Variants in SLC2A13 observed in about 807,000 individuals in gnomAD.
SLC2A13 encodes the protein proton myo-inositol cotransporter.
In SLC2A13, 32 loss-of-function variants were observed where a neutral mutation model predicts 64.4. The observed-to-expected ratio is 0.50, with a 90% CI of 0.37 to 0.67. The LOEUF is 0.67. Ranked by LOEUF, SLC2A13 falls within the 30% of genes least tolerant of loss-of-function variation. The pLI is 0.00. For synonymous variants in SLC2A13, 338 were observed against 327.1 expected, an observed-to-expected ratio of 1.03 and a Z score of -0.36; for missense variants, 743 against 829.2, an observed-to-expected ratio of 0.90 and a Z score of 1.28.
intron 7 of SLC2A13, among the ~76,000 whole-genome samples, chr12:39,807,393 C>T (rs1178066484): frequency 6.6e-6 from 1 of 152,160 alleles, no homozygotes; most frequent in Non-Finnish European, 1.5e-5. Flanking sequence ...CAATATCAAT[C>T]TCCTGGGTGA....
intron 3 of SLC2A13, among the ~76,000 whole-genome samples, chr12:39,972,309 A>G (rs1411536748): frequency 6.6e-6 from 1 of 151,968 alleles, no homozygotes; most frequent in Admixed American, 6.6e-5. Context: ...CTATTGCGAA[A>G]TGATCTCCCA....
intron 4 of SLC2A13, among the ~76,000 whole-genome samples, chr12:39,945,804 T>C (rs1946122001): frequency 1.3e-5 from 2 of 152,178 alleles, no homozygotes; most frequent in Admixed American, 1.3e-4. Flanking sequence ...TCTTCTCTGG[T>C]CCCTCCCTGA....
At chr12:39,819,233 G>A (rs1024427252) in intron 7 of SLC2A13, among the ~76,000 whole-genome samples, 1 of 152,096 alleles carries the variant, frequency 6.6e-6, no homozygotes, top group African/African-American at 2.4e-5. Flanking sequence ...ATATGTTTAT[G>A]AGCCTAAAAA....
At chr12:40,047,712 C>G (rs745753061) in intron 2 of SLC2A13, among the ~76,000 whole-genome samples, 15 of 152,158 alleles carry the variant, frequency 9.9e-5, no homozygotes, top group Non-Finnish European at 4.4e-5. Flanking sequence ...AGTTCATAAA[C>G]AGCTTGTCAA....
intron 4 of SLC2A13, among the ~76,000 whole-genome samples, chr12:39,882,299 A>AT (rs1416176413): frequency 6.6e-6 from 1 of 152,132 alleles, no homozygotes; most frequent in Non-Finnish European, 1.5e-5. Context: ...AGGACCAAGA[A>AT]TTTGCCTTTC....
At chr12:39,766,225 C>T (rs545241346) in intron 7 of SLC2A13, among the ~76,000 whole-genome samples, 4 of 152,184 alleles carry the variant, frequency 2.6e-5, no homozygotes, top group Non-Finnish European at 4.4e-5. Flanking sequence ...GCTTAGACCA[C>T]GCCAATACAG....
At chr12:39,809,752 C>T (rs539756999) in intron 7 of SLC2A13, among the ~76,000 whole-genome samples, 107 of 152,110 alleles carry the variant, frequency 7.0e-4, no homozygotes, top group African/African-American at 2.4e-3. Flanking sequence ...TGAGAACATG[C>T]GGTGTTTGGT....
At position 39,928,038 on chromosome 12, in the gene SLC2A13, C is replaced by T. The variant is rs888999228; in HGVS notation, c.1034+23219G>A. ...TGTTGCAGGAAACGAATTACATTTC[C>T]GATATTAAAGTCCTGATATATATTT... On this transcript the variant is annotated intron_variant, in intron 4 of 9. Coordinates refer to ENST00000280871, the MANE Select transcript of SLC2A13 (RefSeq NM_052885.4). 4.6e-5 allele frequency among the ~76,000 whole-genome samples: 7 copies of T among 152,054 alleles called. No homozygotes were observed. The East Asian group carries it at 9.6e-4, about 21-fold the overall frequency.
At chr12:39,796,766 T>C (rs1941589881) in intron 7 of SLC2A13, among the ~76,000 whole-genome samples, 1 of 152,178 alleles carries the variant, frequency 6.6e-6, no homozygotes, top group African/African-American at 2.4e-5. Flanking sequence ...CAACTAACAA[T>C]AAGAATGTAG....
At chr12:39,905,818 C>T (rs1324361970) in intron 4 of SLC2A13, among the ~76,000 whole-genome samples, 1 of 36,214 alleles carries the variant, frequency 2.8e-5, no homozygotes, top group Non-Finnish European at 5.0e-5. Context: ...TATTAAAATG[C>T]CCAGAAAAAA....
intron 4 of SLC2A13, among the ~76,000 whole-genome samples, chr12:39,875,530 T>C (rs139414497): frequency 6.6e-6 from 1 of 152,180 alleles, no homozygotes; most frequent in East Asian, 1.9e-4. Context: ...TGTTTGTATG[T>C]CCTTGGGGGG....
chr12:39,928,039 G>A (rs943223741), intron 4 of SLC2A13, among the ~76,000 whole-genome samples: 24 of 152,006 alleles, frequency 1.6e-4, no homozygotes, highest in African/African-American at 5.3e-4. Flanking sequence ...TTACATTTCC[G>A]ATATTAAAGT....
intron 2 of SLC2A13, among the ~76,000 whole-genome samples, chr12:40,031,020 G>A (rs1947894809): frequency 6.6e-6 from 1 of 152,162 alleles, no homozygotes; most frequent in African/African-American, 2.4e-5. Context: ...ACTTCTAAAA[G>A]TAAAATGAGA....
intron 4 of SLC2A13, among the ~76,000 whole-genome samples, chr12:39,890,351 T>A (rs981959088): frequency 2.0e-5 from 3 of 152,190 alleles, no homozygotes; most frequent in Non-Finnish European, 4.4e-5. Context: ...CAGCAGAATA[T>A]CTATCCTCAA....
intron 4 of SLC2A13, among the ~76,000 whole-genome samples, chr12:39,897,605 G>C (rs139092869): frequency 5.4e-4 from 82 of 152,258 alleles, no homozygotes; most frequent in African/African-American, 1.8e-3. Context: ...CCAACCACAT[G>C]CAGCTCTTGA....
intron 6 of SLC2A13, among the ~76,000 whole-genome samples, chr12:39,862,387 C>T (rs1411670108): frequency 2.0e-5 from 3 of 152,176 alleles, no homozygotes; most frequent in Admixed American, 1.3e-4. Context: ...GCATACTCAT[C>T]ACTGTGGTCT....
At chr12:40,021,350 C>T (rs775393770) in intron 3 of SLC2A13, among the ~76,000 whole-genome samples, 10 of 152,244 alleles carry the variant, frequency 6.6e-5, no homozygotes, top group Non-Finnish European at 1.2e-4. Flanking sequence ...AGAAAATCGA[C>T]GACAACCTTT....
chr12:39,919,158 A>G (rs941579266), intron 4 of SLC2A13, among the ~76,000 whole-genome samples: 1 of 151,948 alleles, frequency 6.6e-6, no homozygotes, highest in Non-Finnish European at 1.5e-5. Context: ...ACATATATGT[A>G]TACACTTGAA....
chr12:39,884,518 A>G (rs1278839170), intron 4 of SLC2A13, among the ~76,000 whole-genome samples: 1 of 152,208 alleles, frequency 6.6e-6, no homozygotes, highest in Non-Finnish European at 1.5e-5. Context: ...TAAGTACATC[A>G]TGGCCAAATG....
Sources: gnomAD v4.1 joint callset for allele counts (sites outside exome capture counted in the v4.1 genomes callset) on GRCh38, gnomAD v4.1.1 for gene constraint, MANE v1.5 for transcripts, NCBI Gene and HGNC (gene_info 2026-07-23, HGNC 2026-07-21) for gene names.